ACSM6: variants seen among roughly 807,000 people sequenced by gnomAD.
The protein encoded by ACSM6 is acyl-CoA synthetase medium chain family member 6.
ACSM6 carries 35 observed loss-of-function variants against 51.1 expected under a neutral mutation model. The observed-to-expected ratio is 0.69, with a 90% confidence interval of 0.52 to 0.91. ACSM6 has a LOEUF of 0.91. ACSM6 is among the 40% of genes least tolerant of loss of function. The probability of loss-of-function intolerance (pLI) is 0.00; values close to 1 mark genes in which losing one functional copy is unlikely to be tolerated. For missense variants in ACSM6, 509 were observed against 584.1 expected, an observed-to-expected ratio of 0.87 and a Z score of 1.32; for synonymous variants, 172 against 207.3, an observed-to-expected ratio of 0.83 and a Z score of 1.46.
intron 3 of ACSM6, among the ~76,000 whole-genome samples, chr10:95,202,618 T>A (rs1221451324): frequency 6.6e-6 from 1 of 151,934 alleles, no homozygotes; most frequent in Non-Finnish European, 1.5e-5. Context: ...AGTTTCCCCA[T>A]CTATAAAAAA....
Position 95,219,929 on chromosome 10 carries a change from G to A in ACSM6, c.1158G>A (p.Lys386=), listed in dbSNP as rs767524744. The change falls in exon 9 of 11, where the codon AAG becomes AAA. Residue 386 remains lysine (K), a synonymous_variant. Transcript: ENST00000341686. ...CCACTTCCAAAACAATAAAATTGAA[G>A]CCAAGCTCTCTGGGGAAGCCATTGC... The A allele has an allele frequency of 1.8e-5, 29 of 1,613,700 alleles. 1 individual carries two copies. In the South Asian group the frequency reaches 3.1e-4, roughly 17 times the overall value.
rs772445431 is a variant in ACSM6, at chr10:95,210,644, T to C, written c.612-6T>C. On this transcript the variant is annotated splice_polypyrimidine_tract_variant and splice_region_variant and intron_variant, in intron 4 of 10. Transcript: ENST00000341686. ...ATCTCACTGTTGCCTCTTTCCTGGCTTACAGAGTTGCCCCTCCAAAGCAGA... is the reference window on the plus strand; with the variant it reads ...ATCTCACTGTTGCCTCTTTCCTGGCCTACAGAGTTGCCCCTCCAAAGCAGA... The C allele has an allele frequency of 7.4e-6, 12 of 1,612,584 alleles. No individual in the cohort carries two copies. Among genetic ancestry groups the C allele is most frequent in the East Asian group, 2.2e-5 (1 of 44,860 alleles).
At chr10:95,228,449 AG>A in intron 10 of ACSM6, 194 bp from the exon 11 acceptor site, 1 of 486,020 alleles carries the variant, frequency 2.1e-6, no homozygotes, top group Non-Finnish European at 3.5e-6. Context: ...AAAAAAAAAA[AG>A]CTGAAGTTAA....
intron 2 of ACSM6, 105 bp from the exon 3 acceptor site, chr10:95,201,880 C>T: frequency 1.1e-6 from 1 of 912,886 alleles, no homozygotes; most frequent in East Asian, 2.6e-5. Context: ...GGCATCCTAG[C>T]CTCTCAAGAT....
exon 2 of ACSM6, chr10:95,194,503 A>G (rs567595841): frequency 6.4e-7 from 1 of 1,551,500 alleles, no homozygotes; most frequent in Admixed American, 2.0e-5. Flanking sequence ...GCCGATTTCA[A>G]CCCTTCTCCT....
At chr10:95,225,551 C>A in intron 10 of ACSM6, 160 bp downstream of exon 10, 8 of 484,794 alleles carry the variant, frequency 1.7e-5, no homozygotes, top group Non-Finnish European at 2.5e-5. Context: ...CACTCACCTA[C>A]ATTCACTTCT....
At chr10:95,200,840 AAGG>A (rs1448367654) in intron 2 of ACSM6, among the ~76,000 whole-genome samples, 8 of 151,854 alleles carry the variant, frequency 5.3e-5, no homozygotes, top group Non-Finnish European at 1.0e-4. Context: ...AGAGGACAGA[AAGG>A]AGGAAAAAAG....
intron 4 of ACSM6, among the ~76,000 whole-genome samples, chr10:95,208,933 T>TAAAA (rs34370150): frequency 0.013 from 451 of 33,918 alleles, 80 homozygotes; most frequent in Middle Eastern, 0.056. Context: ...CAGGGATGTT[T>TAAAA]AAAAAAAAAA....
At chr10:95,222,659 A>G (rs1224678115) in intron 9 of ACSM6, among the ~76,000 whole-genome samples, 1 of 151,966 alleles carries the variant, frequency 6.6e-6, no homozygotes, top group Non-Finnish European at 1.5e-5. Context: ...TAGATCTGGA[A>G]AGTGAATTGG....
At chr10:95,222,365 G>A (rs1015245014) in intron 9 of ACSM6, among the ~76,000 whole-genome samples, 13 of 152,260 alleles carry the variant, frequency 8.5e-5, no homozygotes, top group South Asian at 2.1e-4. Context: ...GCTTACACCC[G>A]TAATCCCAGC....
intron 2 of ACSM6, among the ~76,000 whole-genome samples, chr10:95,197,029 C>G (rs530615226): frequency 1.3e-5 from 2 of 152,250 alleles, no homozygotes; most frequent in Non-Finnish European, 2.9e-5. Flanking sequence ...ATGCACTACA[C>G]GAGCATTTGG....
chr10:95,207,220 T>A lies in ACSM6; in HGVS notation c.416T>A (p.Val139Glu), dbSNP rs756212381. Residue 139 changes from valine (V) to glutamate (E), a missense_variant, in exon 4 of 11, where the codon GTG becomes GAG. Coordinates refer to ENST00000341686, the Ensembl canonical transcript of ACSM6. ...TGGTTTTTTTCAGGAATCACCTTTGTGCCTGGGAGCCCCCAGCTGACTGCC... is the reference window on the plus strand; with the variant it reads ...TGGTTTTTTTCAGGAATCACCTTTGAGCCTGGGAGCCCCCAGCTGACTGCC... 3.1e-6 allele frequency: 5 copies of A among 1,614,092 alleles called. 1 individual carries two copies. In the South Asian group the frequency reaches 5.5e-5, roughly 18 times the overall value.
At chr10:95,203,878 A>C (rs2034817552) in intron 3 of ACSM6, among the ~76,000 whole-genome samples, 1 of 151,772 alleles carries the variant, frequency 6.6e-6, no homozygotes, top group Admixed American at 6.6e-5. Context: ...AAAAAAAAAA[A>C]AAAACTGAAA....
In ACSM6 at chr10:95,194,309, T is replaced by G. The variant is rs542639443; in HGVS notation, c.-22+6T>G. ...AGAAACTCCTCTTGGAATTGGTAAGTATCTGTGCTCATGGGCTTCTTCTCC... is the reference window on the plus strand; with the variant it reads ...AGAAACTCCTCTTGGAATTGGTAAGGATCTGTGCTCATGGGCTTCTTCTCC... On this transcript the variant is annotated splice_donor_region_variant and intron_variant, in intron 1 of 10. Coordinates refer to ENST00000341686, the Ensembl canonical transcript of ACSM6. 7.8e-5 allele frequency: 46 copies of G among 592,662 alleles called. No homozygotes were observed. The highest frequency in any genetic ancestry group is 6.2e-4 in the South Asian group (24 of 38,576). 36.7% of individuals were successfully genotyped at this position (592,662 alleles called of 1,614,324 possible). A position where few individuals can be genotyped will look rare whatever the true frequency, so the allele number is the denominator to read the frequency against.
At chr10:95,198,008 T>C (rs993256940) in intron 2 of ACSM6, among the ~76,000 whole-genome samples, 8 of 152,232 alleles carry the variant, frequency 5.3e-5, no homozygotes, top group Admixed American at 2.0e-4. Flanking sequence ...CAACCCTAGA[T>C]CCCTTAAACC....
intron 10 of ACSM6, among the ~76,000 whole-genome samples, chr10:95,228,048 C>G (rs942452747): frequency 6.6e-6 from 1 of 151,248 alleles, no homozygotes; most frequent in African/African-American, 2.4e-5. Context: ...TTCCAACTTG[C>G]GTGACAGAGT....
intron 3 of ACSM6, among the ~76,000 whole-genome samples, 159 bp from the exon 4 acceptor site, chr10:95,207,049 G>C (rs1053520412): frequency 2.6e-5 from 4 of 152,270 alleles, no homozygotes; most frequent in Middle Eastern, 6.8e-3. Flanking sequence ...GCCTGTCTCA[G>C]TTTTCCCCAG....
intron 2 of ACSM6, among the ~76,000 whole-genome samples, chr10:95,195,743 G>A (rs1324588555): frequency 6.6e-6 from 1 of 151,822 alleles, no homozygotes; most frequent in Non-Finnish European, 1.5e-5. Flanking sequence ...GCTTTGGGAG[G>A]AGTAAGGAAA....
intron 8 of ACSM6, among the ~76,000 whole-genome samples, chr10:95,216,347 G>A (rs746796515): frequency 9.2e-5 from 14 of 152,096 alleles, no homozygotes; most frequent in Non-Finnish European, 1.9e-4. Flanking sequence ...GTGAGCAGTA[G>A]GGAATTAGCA....
Sources: allele counts gnomAD v4.1 joint callset (sites outside exome capture counted in the v4.1 genomes callset), GRCh38; gene constraint gnomAD v4.1.1; transcripts MANE v1.5; gene names NCBI Gene and HGNC (gene_info 2026-07-23, HGNC 2026-07-21).